Variants in CFAP100 observed in about 807,000 individuals in gnomAD.
CFAP100 encodes cilia and flagella associated protein 100.
A neutral mutation model predicts 81.5 loss-of-function variants in CFAP100; 70 were observed. That is an observed-to-expected ratio of 0.86 (90% CI 0.71 to 1.05). The LOEUF (loss-of-function observed/expected upper bound fraction) is 1.05, where lower values mean the gene tolerates loss of function less well. Among genes scored for constraint, CFAP100 ranks in the 50% least tolerant of loss-of-function variants. The pLI, the probability that CFAP100 is intolerant of heterozygous loss-of-function variation, is 0.00. For synonymous variants in CFAP100, 341 were observed against 314.8 expected (o/e 1.08, Z -0.88); for missense variants, 811 against 776.5 (o/e 1.04, Z -0.53).
intron 3 of CFAP100, among the ~76,000 whole-genome samples, chr3:126,413,055 T>C (rs1576627654): frequency 6.6e-6 from 1 of 152,374 alleles, no homozygotes; most frequent in East Asian, 1.9e-4. Context: ...TCTGCCCCTC[T>C]GATCAAGCAC....
At chr3:126,403,863 G>A (rs922069665) in intron 2 of CFAP100, among the ~76,000 whole-genome samples, 4 of 152,036 alleles carry the variant, frequency 2.6e-5, no homozygotes, top group East Asian at 1.9e-4. Flanking sequence ...AAACTTCAGC[G>A]GCAGAATGCC....
chr3:126,433,318 C>T, intron 14 of CFAP100, 114 bp downstream of exon 14: 1 of 1,291,596 alleles, frequency 7.7e-7, no homozygotes, highest in Non-Finnish European at 1.1e-6. Context: ...CGGGTGAGTG[C>T]CCTGCAGCTG....
intron 13 of CFAP100, 138 bp downstream of exon 13, chr3:126,423,782 G>C: frequency 9.1e-7 from 1 of 1,101,096 alleles, no homozygotes; most frequent in Non-Finnish European, 1.3e-6. Flanking sequence ...GAAAAGCTCC[G>C]AGCGAAGCTC....
intron 2 of CFAP100, among the ~76,000 whole-genome samples, chr3:126,403,811 A>T (rs1234053760): frequency 3.3e-5 from 5 of 152,252 alleles, no homozygotes; most frequent in African/African-American, 9.6e-5. Flanking sequence ...ATCATGTTAA[A>T]ATACTAGAAG....
chr3:126,433,250 C>A, intron 14 of CFAP100, 46 bp downstream of exon 14: 1 of 1,603,840 alleles, frequency 6.2e-7, no homozygotes, highest in Non-Finnish European at 8.5e-7. Context: ...TAAGGAGGGA[C>A]CCTTGGGCAC....
intron 16 of CFAP100, 80 bp downstream of exon 16, chr3:126,435,732 C>A: frequency 8.7e-7 from 1 of 1,144,546 alleles, no homozygotes; most frequent in Non-Finnish European, 1.3e-6. Flanking sequence ...CAGCCCAAGC[C>A]CCTGATGCTA....
intron 4 of CFAP100, 78 bp downstream of exon 4, chr3:126,414,257 T>C (rs1397203321): frequency 2.0e-6 from 2 of 977,736 alleles, no homozygotes; most frequent in Non-Finnish European, 3.3e-6. Flanking sequence ...CACATTGCCC[T>C]TCTCAGAGGA....
chr3:126,404,032 C>G (rs2083026106), intron 2 of CFAP100, among the ~76,000 whole-genome samples: 1 of 152,182 alleles, frequency 6.6e-6, no homozygotes, highest in Non-Finnish European at 1.5e-5. Flanking sequence ...GATGAAGGTT[C>G]TCAAGAATCG....
At chr3:126,408,834 G>A (rs527844374) in intron 3 of CFAP100, among the ~76,000 whole-genome samples, 1 of 152,220 alleles carries the variant, frequency 6.6e-6, no homozygotes, top group East Asian at 1.9e-4. Flanking sequence ...CCAGGCTGAG[G>A]TGCAGGTGCA....
chr3:126,417,735 C>G (rs1220261081), intron 5 of CFAP100, among the ~76,000 whole-genome samples: 1 of 152,236 alleles, frequency 6.6e-6, no homozygotes, highest in African/African-American at 2.4e-5. Flanking sequence ...CTGCCGGGAT[C>G]TGGACTCTGG....
intron 13 of CFAP100, among the ~76,000 whole-genome samples, chr3:126,430,466 T>G (rs1933167575): frequency 6.6e-6 from 1 of 152,136 alleles, no homozygotes; most frequent in Non-Finnish European, 1.5e-5. Flanking sequence ...CCACAGGTAC[T>G]CCAAAAATAT....
At chr3:126,426,736 AAG>A (rs1426958090) in intron 13 of CFAP100, among the ~76,000 whole-genome samples, 4 of 152,198 alleles carry the variant, frequency 2.6e-5, no homozygotes, top group African/African-American at 9.7e-5. Flanking sequence ...GTGACAGAGG[AAG>A]ACTCCGTCTC....
At position 126,419,632 on chromosome 3, in the gene CFAP100, T is replaced by A; in HGVS notation, c.732-5T>A. The A allele has an allele frequency of 6.2e-7, 1 of 1,612,628 alleles. No individual in the cohort carries two copies. Among genetic ancestry groups the A allele is most frequent in the South Asian group, 1.1e-5 (1 of 90,960 alleles). ...TTCCCACATCCTCACCCCGCCCCGG[T>A]GTAGTGAGATCTCCAGATTTGAAGA... On this transcript the variant is annotated splice_polypyrimidine_tract_variant and splice_region_variant and intron_variant, in intron 8 of 16. Transcript: ENST00000352312.
chr3:126,413,966 A>G, intron 3 of CFAP100, 119 bp from the exon 4 acceptor site: 1 of 736,130 alleles, frequency 1.4e-6, no homozygotes, highest in Non-Finnish European at 2.5e-6. Context: ...TCCAGGGGGA[A>G]CCTTCCCACT....
At chr3:126,416,699 A>G in intron 5 of CFAP100, 191 bp downstream of exon 5, 1 of 527,586 alleles carries the variant, frequency 1.9e-6, no homozygotes, top group Non-Finnish European at 3.3e-6. Context: ...CCAGGATTGC[A>G]AACCTAAGAG....
At chr3:126,427,937 G>A (rs575964266) in intron 13 of CFAP100, among the ~76,000 whole-genome samples, 82 of 152,244 alleles carry the variant, frequency 5.4e-4, no homozygotes, top group East Asian at 1.9e-4. Flanking sequence ...GTGGGGAGGT[G>A]CCACACACTT....
chr3:126,418,466 G>A lies in CFAP100; in HGVS notation c.427G>A (p.Val143Met). ...WKLTLTKEKN[V>M]EPENMSGYIK... is the part of the protein sequence containing the mutation. ...CCCTCTTCTTCCAGCAGAAAAGAAT[G>A]TGGAGCCTGAGAACATGAGTGGCTA... Residue 143 changes from valine to methionine, a missense_variant, in exon 6 of 17, where the codon GTG becomes ATG. By Grantham distance (21) the Val-to-Met change is conservative. Transcript: ENST00000352312. 1 of 1,614,150 alleles carries A rather than the reference G, an allele frequency of 6.2e-7. No individual in the cohort carries two copies. The highest frequency in any genetic ancestry group is 8.5e-7 in the Non-Finnish European group (1 of 1,180,030).
intron 3 of CFAP100, among the ~76,000 whole-genome samples, chr3:126,408,333 C>T (rs1451031197): frequency 6.6e-6 from 1 of 152,206 alleles, no homozygotes; most frequent in Non-Finnish European, 1.5e-5. Flanking sequence ...CAGCCCAACC[C>T]ATGGTCAGAC....
At chr3:126,408,252 C>T (rs1216811783) in intron 3 of CFAP100, among the ~76,000 whole-genome samples, 2 of 152,188 alleles carry the variant, frequency 1.3e-5, no homozygotes, top group African/African-American at 4.8e-5. Context: ...TCCACTTCAG[C>T]GTGCACTTCT....
Sources: allele counts gnomAD v4.1 joint callset (sites outside exome capture counted in the v4.1 genomes callset), GRCh38; gene constraint gnomAD v4.1.1; transcripts MANE v1.5; gene names NCBI Gene and HGNC (gene_info 2026-07-23, HGNC 2026-07-21).